Variants in DGCR8 observed in about 807,000 individuals in gnomAD.
DGCR8 encodes the protein DGCR8 microprocessor complex subunit.
Under a neutral mutation model 78.5 loss-of-function variants are expected in DGCR8, and 14 were observed. The observed-to-expected ratio is 0.18, with a 90% CI of 0.12 to 0.28. The LOEUF (loss-of-function observed/expected upper bound fraction) is 0.28. Ranked by LOEUF, DGCR8 falls within the 10% of genes least tolerant of loss-of-function variation. The pLI, the probability that DGCR8 is intolerant of heterozygous loss-of-function variation, is 1.00. For missense variants in DGCR8, 702 were observed against 1,022.5 expected (o/e 0.69, Z 4.28); for synonymous variants, 399 against 402.4 (o/e 0.99, Z 0.10).
At chr22:20,081,544 A>G (rs1426475270) in intron 1 of DGCR8, among the ~76,000 whole-genome samples, 1 of 152,140 alleles carries the variant, frequency 6.6e-6, no homozygotes, top group Non-Finnish European at 1.5e-5. Context: ...GTTGTTTTGT[A>G]GTCTCACCGT....
At chr22:20,102,159 AT>A in intron 9 of DGCR8, 2 of 733,334 alleles carry the variant, frequency 2.7e-6, no homozygotes, top group Non-Finnish European at 3.3e-6. Flanking sequence ...GTTTTGACAA[AT>A]ACACAGTCAT....
Position 20,086,974 on chromosome 22 carries a change from C to A in DGCR8, c.721-188C>A. Reference sequence around the variant, plus strand: ...TCCTTGGCAGTGTGTGCCCCTGGACCAGGTGTGTTGGTGTCAGCTGGTAGC... The same window carrying A: ...TCCTTGGCAGTGTGTGCCCCTGGACAAGGTGTGTTGGTGTCAGCTGGTAGC... On this transcript the variant is annotated intron_variant, in intron 2 of 13. Transcript: ENST00000351989. The surrounding 1 kb of genome is among the most constrained non-coding windows in gnomAD (Gnocchi z 6.4). 1.2e-6 allele frequency: 1 copy of A among 802,802 alleles called. No homozygotes were observed. Among genetic ancestry groups the A allele is most frequent in the East Asian group, 2.6e-5 (1 of 38,460 alleles). The allele number at this position is 802,802 out of a possible 1,614,324, so 49.7% of individuals were successfully genotyped here.
Position 20,110,199 on chromosome 22 carries a change from C to G in DGCR8, c.*91C>G. On this transcript the variant is annotated 3_prime_UTR_variant, in exon 14 of 14. Coordinates refer to ENST00000351989, the MANE Select transcript of DGCR8 (RefSeq NM_022720.7). The stretch of plus-strand genomic sequence containing the variant: ...CATCGTGCACCACAGTGTCAGGCCT[C>G]CAACCCACGCTCCTTCCCTGTGGCC... The G allele has an allele frequency of 7.4e-7, 1 of 1,351,336 alleles. No homozygotes were observed. Among genetic ancestry groups the G allele is most frequent in the Non-Finnish European group, 1.0e-6 (1 of 968,304 alleles). 83.7% of individuals were successfully genotyped at this position (1,351,336 alleles called of 1,614,324 possible).
chr22:20,092,893 C>T lies in DGCR8; in HGVS notation c.1691C>T (p.Ala564Val), dbSNP rs748117344. The T allele has an allele frequency of 2.5e-6, 4 of 1,613,162 alleles. No individual in the cohort carries two copies. The highest frequency in any genetic ancestry group is 3.4e-6 in the Non-Finnish European group (4 of 1,179,436). Residue 564 changes from alanine to valine, a missense_variant, in exon 8 of 14, where the codon GCG (alanine) becomes GTG (valine). Transcript: ENST00000351989. ...GSGTASSKKL[A>V]KNKAARATLE... ...GGAACTGCAAGCAGCAAAAAACTTG[C>T]GAAGAATAAAGCTGGTAACGTGCTT...
At chr22:20,088,721 T>C (rs2049518458) in intron 3 of DGCR8, among the ~76,000 whole-genome samples, 2 of 152,220 alleles carry the variant, frequency 1.3e-5, no homozygotes, top group Non-Finnish European at 2.9e-5. Context: ...CAGGGCCACT[T>C]GGTGGGTACC....
At chr22:20,095,616 C>G (rs536849223) in intron 9 of DGCR8, among the ~76,000 whole-genome samples, 6 of 152,294 alleles carry the variant, frequency 3.9e-5, no homozygotes, top group African/African-American at 1.4e-4. Flanking sequence ...TGTCCCCAAC[C>G]TAGTTTTGGC....
chr22:20,083,373 G>A (rs1389958515), intron 1 of DGCR8, among the ~76,000 whole-genome samples: 1 of 150,886 alleles, frequency 6.6e-6, no homozygotes, highest in Non-Finnish European at 1.5e-5. Flanking sequence ...GATGGTGTGT[G>A]TGTGTGTGAT....
intron 9 of DGCR8, among the ~76,000 whole-genome samples, chr22:20,105,347 G>T (rs568390170): frequency 6.6e-6 from 1 of 152,216 alleles, no homozygotes; most frequent in African/African-American, 2.4e-5. Context: ...AATGGTGAGA[G>T]AATAAACCTC....
chr22:20,106,348 T>A, intron 10 of DGCR8, 71 bp downstream of exon 10: 1 of 1,345,140 alleles, frequency 7.4e-7, no homozygotes, highest in African/African-American at 1.4e-5. Flanking sequence ...CATATTCTTG[T>A]GGCTGTTTGT....
intron 9 of DGCR8, chr22:20,101,281 A>G: frequency 1.0e-6 from 1 of 985,330 alleles, no homozygotes; most frequent in South Asian, 4.7e-5. Context: ...TTATTTGTAT[A>G]TATGTCATCT....
At chr22:20,092,647 G>A (rs905600669) in intron 7 of DGCR8, among the ~76,000 whole-genome samples, 162 bp from the exon 8 acceptor site, 136 of 152,130 alleles carry the variant, frequency 8.9e-4, no homozygotes, top group African/African-American at 3.2e-3. Context: ...TCTGCTGCCC[G>A]TCTCCAGTCC....
At chr22:20,098,147 GA>G (rs200437017) in intron 9 of DGCR8, among the ~76,000 whole-genome samples, 10 of 146,218 alleles carry the variant, frequency 6.8e-5, no homozygotes, top group Non-Finnish European at 7.6e-5. Flanking sequence ...AAAGGAAAAA[GA>G]AAAAAAATAT....
rs750808386 is a variant in DGCR8, at chr22:20,089,853, C to T, written c.1023+42C>T. 8.7e-6 allele frequency: 14 copies of T among 1,608,662 alleles called. No homozygotes were observed. The highest frequency in any genetic ancestry group is 1.1e-5 in the Non-Finnish European group (13 of 1,176,814). On this transcript the variant is annotated intron_variant, in intron 4 of 13. Transcript: ENST00000351989. The surrounding 1 kb of genome is among the most constrained non-coding windows in gnomAD (Gnocchi z 4.9). Reference sequence around the variant, plus strand: ...TCGTGACTTTAGGCTTGTAAGTTCTCAGACCAAAACGTGCACATCCACACA... The same window carrying T: ...TCGTGACTTTAGGCTTGTAAGTTCTTAGACCAAAACGTGCACATCCACACA...
rs2049822786 is a variant in DGCR8 at position 20,110,292 on chromosome 22, A to G, written c.*184A>G. 3.4e-6 allele frequency: 2 copies of G among 592,150 alleles called. No individual in the cohort carries two copies. Among genetic ancestry groups the G allele is most frequent in the Non-Finnish European group, 5.9e-6 (2 of 339,082 alleles). 36.7% of individuals were successfully genotyped at this position (592,150 alleles called of 1,614,324 possible). ...GGACAGCCATGGCCACACAGCACACATGTGGAGCAGCGGCTCTCCCTGGAA... is the reference window on the plus strand; with the variant it reads ...GGACAGCCATGGCCACACAGCACACGTGTGGAGCAGCGGCTCTCCCTGGAA... On this transcript the variant is annotated 3_prime_UTR_variant, in exon 14 of 14. Transcript: ENST00000351989.
rs1389317813 is a variant in DGCR8 at position 20,085,467 on chromosome 22, G to C, written c.-277-220G>C. 1.3e-5 allele frequency among the ~76,000 whole-genome samples: 2 copies of C among 152,212 alleles called. No homozygotes were observed. The highest frequency in any genetic ancestry group is 4.8e-5 in the African/African-American group (2 of 41,438). ...TTGTGTTTCTGAAGTAGGAATTAAA[G>C]TGGGCATTAACAAAATATTTAACTT... is the stretch of plus-strand genomic sequence containing the variant. On this transcript the variant is annotated intron_variant, in intron 1 of 13. Transcript: ENST00000351989. This position sits in a 1 kb window ranked among gnomAD's most constrained non-coding sequence, Gnocchi z 6.2.
chr22:20,100,092 G>T lies in DGCR8; in HGVS notation c.1788+5297G>T, dbSNP rs541386868. On this transcript the variant is annotated intron_variant, in intron 9 of 13. Coordinates refer to ENST00000351989, the MANE Select transcript of DGCR8 (RefSeq NM_022720.7). ...CATTTGTCCCTTTTTTTTTGAGATG[G>T]AGTCTCGCTCTGTTGCCAGGCTGGA... 5.3e-5 allele frequency among the ~76,000 whole-genome samples: 8 copies of T among 152,040 alleles called. No homozygotes were observed. In the South Asian group the frequency reaches 1.7e-3, roughly 32 times the overall value.
At chr22:20,100,277 G>C (rs533988462) in intron 9 of DGCR8, 2 of 846,810 alleles carry the variant, frequency 2.4e-6, no homozygotes, top group East Asian at 2.5e-4. Context: ...GTGTTGGCCA[G>C]GATGGTCTCT....
At chr22:20,105,254 C>A (rs9606251) in intron 9 of DGCR8, among the ~76,000 whole-genome samples, 20,021 of 152,218 alleles carry the variant, frequency 0.13, 1,711 homozygotes, top group Non-Finnish European at 0.19. Context: ...CAAGGGATGC[C>A]GGGGCCACCA....
At chr22:20,103,043 A>G (rs1244725473) in intron 9 of DGCR8, among the ~76,000 whole-genome samples, 1 of 152,096 alleles carries the variant, frequency 6.6e-6, no homozygotes, top group Non-Finnish European at 1.5e-5. Context: ...GAGGCAGGAG[A>G]ATCGCTTGAA....
Sources: allele counts gnomAD v4.1 joint callset (sites outside exome capture counted in the v4.1 genomes callset), GRCh38; gene constraint gnomAD v4.1.1; non-coding constraint Gnocchi (gnomAD v3.1); transcripts MANE v1.5; gene names NCBI Gene and HGNC (gene_info 2026-07-23, HGNC 2026-07-21).